ETV1: variants seen among roughly 807,000 people sequenced by gnomAD.
ETV1 encodes the protein ETS variant transcription factor 1, also known as ETS translocation variant 1.
A neutral mutation model predicts 62.3 loss-of-function variants in ETV1; 27 were observed. That is an observed-to-expected ratio of 0.43 (90% CI 0.32 to 0.60). The LOEUF (loss-of-function observed/expected upper bound fraction) is 0.60. Among genes scored for constraint, ETV1 ranks in the 20% least tolerant of loss-of-function variants. ETV1 has a pLI of 0.06. For synonymous variants in ETV1, 222 were observed against 199.6 expected (o/e 1.11, Z -0.94); for missense variants, 605 against 605.8 (o/e 1.00, Z 0.01).
intron 5 of ETV1, among the ~76,000 whole-genome samples, chr7:13,982,103 TC>T (rs1464689166): frequency 6.6e-6 from 1 of 152,120 alleles, no homozygotes; most frequent in Non-Finnish European, 1.5e-5. Context: ...ATTTCTATAT[TC>T]TTACTGTAAC....
chr7:13,986,257 G>A (rs1782539025), intron 5 of ETV1: 8 of 1,523,726 alleles, frequency 5.3e-6, no homozygotes, highest in South Asian at 1.3e-5. Context: ...GATATGCGCT[G>A]CTCTAAAGGA....
At chr7:13,932,058 AC>A (rs1786249615) in intron 8 of ETV1, among the ~76,000 whole-genome samples, 1 of 151,906 alleles carries the variant, frequency 6.6e-6, no homozygotes, top group African/African-American at 2.4e-5. Context: ...ACACACACAC[AC>A]ACACACACAC....
At chr7:13,927,109 T>C (rs1289799883) in intron 9 of ETV1, among the ~76,000 whole-genome samples, 1 of 152,146 alleles carries the variant, frequency 6.6e-6, no homozygotes, top group Non-Finnish European at 1.5e-5. Context: ...AGGTCTTCCG[T>C]AAGAATAGCC....
rs1041729157 is a variant in ETV1, at chr7:13,907,694, C to A, written c.941-1095G>T. The A allele has an allele frequency of 9.1e-6, 3 of 329,158 alleles. No homozygotes were observed. In the East Asian group the frequency reaches 2.4e-4, roughly 26 times the overall value. 20.4% of individuals were successfully genotyped at this position (329,158 alleles called of 1,614,324 possible). ...TGTTAGTGCATAAATTGCTCTTCTC[C>A]GCTAAAGAAACAATCCAGACAAAAT... On this transcript the variant is annotated intron_variant, in intron 11 of 13. Transcript: ENST00000430479.
intron 12 of ETV1, among the ~76,000 whole-genome samples, chr7:13,905,396 G>A (rs1292507665): frequency 6.6e-6 from 1 of 152,084 alleles, no homozygotes; most frequent in East Asian, 1.9e-4. Context: ...TTAGAGGTAT[G>A]GTAGCTAAAA....
At chr7:13,952,272 T>C (rs772200473) in intron 6 of ETV1, among the ~76,000 whole-genome samples, 3 of 152,144 alleles carry the variant, frequency 2.0e-5, no homozygotes, top group Non-Finnish European at 4.4e-5. Context: ...GGCCAAGTCA[T>C]CTTTTTTATA....
intron 5 of ETV1, among the ~76,000 whole-genome samples, chr7:13,984,258 G>C (rs1388866397): frequency 6.6e-6 from 1 of 151,804 alleles, no homozygotes; most frequent in Non-Finnish European, 1.5e-5. Flanking sequence ...CACTTTCTTG[G>C]CTATGGAGCA....
chr7:13,935,752 A>T lies in ETV1; in HGVS notation c.510T>A (p.Pro170=). The part of the protein sequence containing the change: ...KPDRAFPAHL[P]PSQSIPDSSY... ...TGCTATCTGGTATGGACTGCGATGGAGGGAGGTGAGCTGGGAAGGCCCGGT... is the reference window on the plus strand; with the variant it reads ...TGCTATCTGGTATGGACTGCGATGGTGGGAGGTGAGCTGGGAAGGCCCGGT... Residue 170 remains proline, a synonymous_variant, in exon 8 of 14, where the codon CCT becomes CCA. Transcript: ENST00000430479. The T allele has an allele frequency of 6.2e-7, 1 of 1,613,694 alleles. No individual in the cohort carries two copies. Among genetic ancestry groups the T allele is most frequent in the Non-Finnish European group, 8.5e-7 (1 of 1,179,826 alleles).
At chr7:13,906,308 CAG>C (rs1782951535) in intron 12 of ETV1, 120 bp downstream of exon 12, 1 of 639,870 alleles carries the variant, frequency 1.6e-6, no homozygotes, top group African/African-American at 1.9e-5. Context: ...CTTTTTAATT[CAG>C]AAAGTTTCCC....
intron 9 of ETV1, among the ~76,000 whole-genome samples, chr7:13,913,055 A>G (rs572357247): frequency 6.6e-6 from 1 of 152,310 alleles, no homozygotes; most frequent in Non-Finnish European, 1.5e-5. Context: ...AATCCAACCA[A>G]TGAAGTTTGG....
chr7:13,916,120 G>A (rs987538928), intron 9 of ETV1, among the ~76,000 whole-genome samples: 2 of 152,184 alleles, frequency 1.3e-5, no homozygotes, highest in African/African-American at 2.4e-5. Flanking sequence ...TGACAAGGGA[G>A]TGATGAATTT....
intron 9 of ETV1, among the ~76,000 whole-genome samples, chr7:13,914,184 C>T (rs557672879): frequency 4.0e-5 from 6 of 150,964 alleles, no homozygotes; most frequent in East Asian, 4.0e-4. Flanking sequence ...CGCGCCCGGC[C>T]GGGGGTACCT....
At chr7:13,972,345 A>G (rs1433636504) in intron 6 of ETV1, among the ~76,000 whole-genome samples, 1 of 151,994 alleles carries the variant, frequency 6.6e-6, no homozygotes, top group Non-Finnish European at 1.5e-5. Context: ...AGTAGGGTAG[A>G]CTGCTGAACT....
intron 9 of ETV1, among the ~76,000 whole-genome samples, chr7:13,930,686 C>T (rs964497249): frequency 2.0e-5 from 3 of 152,142 alleles, no homozygotes; most frequent in Admixed American, 2.0e-4. Context: ...CTTTGTACTA[C>T]TTTCTAGCTC....
chr7:13,940,814 G>C lies in ETV1; in HGVS notation c.236-1568C>G, dbSNP rs568924752. Among the ~76,000 whole-genome samples, 101 of 152,168 alleles carry C rather than the reference G, an allele frequency of 6.6e-4. 2 individuals carry two copies. The highest frequency in any genetic ancestry group is 2.4e-3 in the African/African-American group (98 of 41,522). On this transcript the variant is annotated intron_variant, in intron 6 of 13. Transcript: ENST00000430479. ...AAAATTTGATATCACAAACTACCAA[G>C]CTTCAGGAAAACAAATACTATTTGT...
chr7:13,920,326 C>T (rs140234065), intron 9 of ETV1, among the ~76,000 whole-genome samples: 1 of 152,250 alleles, frequency 6.6e-6, no homozygotes, highest in Non-Finnish European at 1.5e-5. Context: ...AGGTTACTTG[C>T]AAGCAGGACC....
intron 9 of ETV1, among the ~76,000 whole-genome samples, chr7:13,913,592 C>A (rs908816099): frequency 1.3e-5 from 2 of 152,140 alleles, no homozygotes; most frequent in Non-Finnish European, 2.9e-5. Flanking sequence ...ATTAATAACA[C>A]TATTTTTAAG....
chr7:13,900,860 A>T, intron 12 of ETV1, 21 bp from the exon 13 acceptor site: 1 of 1,506,160 alleles, frequency 6.6e-7, no homozygotes, highest in Non-Finnish European at 9.1e-7. Context: ...ACAGAATTAC[A>T]TTGTAGTGTT....
intron 6 of ETV1, among the ~76,000 whole-genome samples, chr7:13,971,396 T>C (rs184991801): frequency 6.6e-6 from 1 of 152,194 alleles, no homozygotes; most frequent in Admixed American, 6.5e-5. Context: ...CACACAAGGG[T>C]CTGTCTGGAT....
Sources: allele counts gnomAD v4.1 joint callset (sites outside exome capture counted in the v4.1 genomes callset), GRCh38; gene constraint gnomAD v4.1.1; transcripts MANE v1.5; gene names NCBI Gene and HGNC (gene_info 2026-07-23, HGNC 2026-07-21).